SCAI: variants seen among roughly 807,000 people sequenced by gnomAD.
The protein encoded by SCAI is protein SCAI.
SCAI carries 24 observed loss-of-function variants against 92.2 expected under a neutral mutation model. The observed-to-expected ratio is 0.26, with a 90% CI of 0.19 to 0.37. SCAI has a LOEUF of 0.37. Ranked by LOEUF, SCAI falls within the 10% of genes least tolerant of loss-of-function variation. The pLI, the probability that SCAI is intolerant of heterozygous loss-of-function variation, is 1.00. For synonymous variants in SCAI, 261 were observed against 258.6 expected, an observed-to-expected ratio of 1.01 and a Z score of -0.09; for missense variants, 450 against 736.2, an observed-to-expected ratio of 0.61 and a Z score of 4.50.
chr9:124,996,578 C>A (rs150249903), intron 13 of SCAI, among the ~76,000 whole-genome samples: 19 of 152,138 alleles, frequency 1.2e-4, no homozygotes, highest in African/African-American at 4.3e-4. Flanking sequence ...GCTGAGATTA[C>A]GGGAATGAGC....
chr9:125,102,083 C>T (rs1023556068), intron 2 of SCAI, among the ~76,000 whole-genome samples: 9 of 152,126 alleles, frequency 5.9e-5, no homozygotes, highest in African/African-American at 1.2e-4. Context: ...GGATGTCTAG[C>T]GGCATCCCTG....
chr9:124,959,805 G>A (rs1220960376), intron 17 of SCAI, among the ~76,000 whole-genome samples: 5 of 151,084 alleles, frequency 3.3e-5, no homozygotes, highest in African/African-American at 7.3e-5. Context: ...TTGTCCTTGC[G>A]ACAGTTTGCT....
At chr9:125,041,628 C>G (rs364828) in intron 3 of SCAI, among the ~76,000 whole-genome samples, 120,578 of 152,096 alleles carry the variant, frequency 0.79, 48,784 homozygotes, top group African/African-American at 0.94. Context: ...TATAAAGGAA[C>G]AGGACTTCGT....
chr9:125,047,438 T>G (rs1402383794), intron 3 of SCAI, among the ~76,000 whole-genome samples: 1 of 152,186 alleles, frequency 6.6e-6, no homozygotes, highest in African/African-American at 2.4e-5. Context: ...TGGCACCTTG[T>G]TATGGCAGCC....
Position 125,020,743 on chromosome 9 carries a change from C to T in SCAI, c.539G>A (p.Arg180Gln). The change falls in exon 7 of 18, where the codon CGA (arginine) becomes CAA (glutamine). Residue 180 changes from arginine (R) to glutamine (Q), a missense_variant. Physicochemically the swap from Arg to Gln is conservative, Grantham distance 43. Around this residue, in one of 3 missense-constraint regions of SCAI, gnomAD observed 360 missense variants for 601.8 expected, o/e 0.60. Coordinates refer to ENST00000336505, the MANE Select transcript of SCAI (RefSeq NM_001144877.3). Reference sequence around the variant, plus strand: ...AACTACTATAAATCTTGCATAATATCGTAACTTCTTAACTACCAATTCAGG... The same window carrying T: ...AACTACTATAAATCTTGCATAATATTGTAACTTCTTAACTACCAATTCAGG... ...DRPELVVKKL[R>Q]YYARFIVVCL... 6.6e-7 allele frequency: 1 copy of T among 1,508,748 alleles called. No individual in the cohort carries two copies. The highest frequency in any genetic ancestry group is 9.1e-7 in the Non-Finnish European group (1 of 1,103,706). The allele number at this position is 1,508,748 out of a possible 1,614,324, so 93.5% of individuals were successfully genotyped here. A position where few individuals can be genotyped will look rare whatever the true frequency, so the allele number is the denominator to read the frequency against.
intron 9 of SCAI, among the ~76,000 whole-genome samples, chr9:125,013,589 G>T (rs1487849370): frequency 4.6e-5 from 7 of 152,090 alleles, no homozygotes; most frequent in Non-Finnish European, 1.0e-4. Flanking sequence ...ACAGCCGAAT[G>T]CTACCAGAGG....
chr9:124,975,393 T>G (rs1831735056), intron 15 of SCAI: 1 of 456,304 alleles, frequency 2.2e-6, no homozygotes, highest in South Asian at 1.6e-5. Flanking sequence ...ATCAGCACTA[T>G]TCACAGTTAG....
intron 2 of SCAI, among the ~76,000 whole-genome samples, chr9:125,140,688 T>TATA (rs1222860503): frequency 2.8e-5 from 1 of 35,248 alleles, no homozygotes; most frequent in Non-Finnish European, 5.8e-5. Context: ...ACCTTGTCTC[T>TATA]ACAAAAAAAA....
intron 9 of SCAI, among the ~76,000 whole-genome samples, chr9:125,005,199 CAT>C (rs1347407826): frequency 6.6e-6 from 1 of 152,068 alleles, no homozygotes; most frequent in Non-Finnish European, 1.5e-5. Context: ...CAGGAACACA[CAT>C]GATAATAAAA....
chr9:125,002,485 T>C (rs963725882), intron 11 of SCAI, among the ~76,000 whole-genome samples: 5 of 114,890 alleles, frequency 4.4e-5, no homozygotes, highest in Non-Finnish European at 7.2e-5. Flanking sequence ...TGTTTTTTAG[T>C]CTGTTTTTTT....
intron 2 of SCAI, among the ~76,000 whole-genome samples, chr9:125,062,202 T>G (rs1213469307): frequency 6.6e-6 from 1 of 151,700 alleles, no homozygotes; most frequent in Non-Finnish European, 1.5e-5. Flanking sequence ...CATGGCTCAC[T>G]GCAACCTCTG....
chr9:124,968,157 G>A (rs1831576449), intron 17 of SCAI: 4 of 554,242 alleles, frequency 7.2e-6, no homozygotes, highest in Admixed American at 3.2e-5. Flanking sequence ...GAGGCAACAC[G>A]TTCTTTCCAC....
chr9:124,954,562 G>A (rs1831284939), intron 17 of SCAI, among the ~76,000 whole-genome samples: 1 of 152,212 alleles, frequency 6.6e-6, no homozygotes, highest in Admixed American at 6.5e-5. Context: ...CACACAGCTA[G>A]TGAGAGGCAC....
chr9:125,106,409 A>G (rs539104518), intron 2 of SCAI, among the ~76,000 whole-genome samples: 7 of 151,612 alleles, frequency 4.6e-5, no homozygotes, highest in Admixed American at 3.3e-4. Flanking sequence ...AATTTCTACT[A>G]TAAGACTTCT....
intron 17 of SCAI, chr9:124,968,286 G>T: frequency 5.2e-6 from 6 of 1,158,346 alleles, no homozygotes; most frequent in Non-Finnish European, 7.8e-6. Flanking sequence ...TTAAAACCGG[G>T]CTGGGCATCA....
At chr9:124,994,904 T>C in intron 14 of SCAI, 30 bp downstream of exon 14, 1 of 1,519,360 alleles carries the variant, frequency 6.6e-7, no homozygotes, top group Non-Finnish European at 9.1e-7. Flanking sequence ...CCACAATGTC[T>C]ACCTGTGCAA....
chr9:124,967,662 T>TACACACAC (rs59150863), intron 17 of SCAI, among the ~76,000 whole-genome samples: 80 of 150,626 alleles, frequency 5.3e-4, no homozygotes, highest in Admixed American at 1.9e-3. Context: ...AATAAAAAAA[T>TACACACAC]ACACACACAC....
In SCAI at chr9:125,143,381, G is replaced by A. The variant is rs1395453424; in HGVS notation, c.53+4C>T. 5.2e-6 allele frequency: 6 copies of A among 1,158,560 alleles called. No individual in the cohort carries two copies. Among genetic ancestry groups the A allele is most frequent in the Admixed American group, 3.8e-5 (1 of 26,372 alleles). 71.8% of individuals were successfully genotyped at this position (1,158,560 alleles called of 1,614,324 possible). On this transcript the variant is annotated splice_donor_region_variant and intron_variant, in intron 1 of 17. Transcript: ENST00000336505. ...CAACCCCGGCCTCCACCCAGCCCCC[G>A]CACCTGGGGGCCAGGCGACTCCGCG...
intron 17 of SCAI, chr9:124,968,816 A>G: frequency 8.5e-6 from 6 of 707,008 alleles, no homozygotes; most frequent in Non-Finnish European, 1.5e-5. Context: ...CCCAGCAGCC[A>G]TAGAGCGGGG....
Sources: allele counts gnomAD v4.1 joint callset (sites outside exome capture counted in the v4.1 genomes callset), GRCh38; gene constraint gnomAD v4.1.1; regional missense constraint gnomAD v4.1.1; transcripts MANE v1.5; gene names NCBI Gene and HGNC (gene_info 2026-07-23, HGNC 2026-07-21).